The following ZC3H12B variants were observed in gnomAD, a reference collection of about 807,000 sequenced individuals.
The protein encoded by ZC3H12B is probable ribonuclease ZC3H12B.
A neutral mutation model predicts 43.9 loss-of-function variants in ZC3H12B; 7 were observed. The observed-to-expected ratio is 0.16, with a 90% confidence interval of 0.09 to 0.30. The LOEUF is 0.30. ZC3H12B is among the 10% of genes least tolerant of loss of function. ZC3H12B has a pLI of 1.00. For missense variants in ZC3H12B, 475 were observed against 670.2 expected (o/e 0.71, Z 3.22); for synonymous variants, 222 against 241.7 (o/e 0.92, Z 0.76).
chrX:65,317,770 CTATA>C, the ZC3H12B span, among the ~76,000 whole-genome samples: 3 of 99,417 alleles, frequency 3.0e-5, no homozygotes, highest in South Asian at 4.4e-4. Context: ...CACACACACA[CTATA>C]TATATATATA....
At chrX:65,285,464 G>T in the ZC3H12B span, among the ~76,000 whole-genome samples, 1 of 111,026 alleles carries the variant, frequency 9.0e-6, no homozygotes, top group African/African-American at 3.3e-5. Flanking sequence ...TCTAAAAACA[G>T]CAAGATAAAA....
At chrX:65,488,728 G>A (rs1292907842), upstream of ZC3H12B, 6 of 1,069,226 alleles carry the variant, frequency 5.6e-6, no homozygotes, top group Non-Finnish European at 7.3e-6. Context: ...ACAAAAGAAT[G>A]CCACTGCATG....
chrX:65,102,914 T>C, the ZC3H12B span, among the ~76,000 whole-genome samples: 1 of 111,390 alleles, frequency 9.0e-6, no homozygotes, highest in Non-Finnish European at 1.9e-5. Context: ...GAATAGGGTG[T>C]GGGTCACAGA....
At chrX:65,202,129 A>G in the ZC3H12B span, among the ~76,000 whole-genome samples, 1 of 74,991 alleles carries the variant, frequency 1.3e-5, no homozygotes, top group Non-Finnish European at 2.1e-5. Context: ...TATGTAATAT[A>G]TATATTTTAT....
chrX:65,437,912 T>G (rs2067241013), intron 3 of ZC3H12B, among the ~76,000 whole-genome samples: 1 of 112,599 alleles, frequency 8.9e-6, no homozygotes, highest in African/African-American at 3.2e-5. Context: ...TCTTCCTTTT[T>G]GTATGCAGCA....
chrX:65,407,475 T>C, intron 3 of ZC3H12B, among the ~76,000 whole-genome samples: 1 of 111,881 alleles, frequency 8.9e-6, no homozygotes, highest in South Asian at 3.7e-4. Context: ...CTCTCTCCCT[T>C]TTGCGTCCCG....
the ZC3H12B span, among the ~76,000 whole-genome samples, chrX:65,046,253 G>T: frequency 8.9e-6 from 1 of 112,008 alleles, no homozygotes; most frequent in East Asian, 2.8e-4. Flanking sequence ...GAAAGTCCTA[G>T]ATGGCATCTT....
chrX:65,242,179 A>C, the ZC3H12B span, among the ~76,000 whole-genome samples: 9,029 of 110,279 alleles, frequency 0.082, 1,023 homozygotes, highest in African/African-American at 0.29. Flanking sequence ...CTGTGGGTTT[A>C]GCCATTCACC....
chrX:65,456,853 C>T (rs2067623917), intron 3 of ZC3H12B, among the ~76,000 whole-genome samples: 1 of 109,448 alleles, frequency 9.1e-6, no homozygotes, highest in African/African-American at 3.3e-5. Flanking sequence ...CAGCCTCTGC[C>T]CAGCCGCCAC....
At chrX:65,178,815 A>C in the ZC3H12B span, among the ~76,000 whole-genome samples, 3 of 111,962 alleles carry the variant, frequency 2.7e-5, no homozygotes, top group South Asian at 1.1e-3. Context: ...TGTTGGTGGG[A>C]GTGTAAATTA....
At chrX:65,067,588 G>A in the ZC3H12B span, among the ~76,000 whole-genome samples, 1 of 111,405 alleles carries the variant, frequency 9.0e-6, no homozygotes, top group South Asian at 3.8e-4. Context: ...TTCCTATTCA[G>A]CCATCTTGCC....
At chrX:65,360,630 C>G in the ZC3H12B span, among the ~76,000 whole-genome samples, 5 of 112,388 alleles carry the variant, frequency 4.4e-5, no homozygotes, top group Non-Finnish European at 9.4e-5. Context: ...CTTTGGAAAA[C>G]AGTTTGGCAG....
At chrX:65,163,189 C>T in the ZC3H12B span, among the ~76,000 whole-genome samples, 4 of 111,238 alleles carry the variant, frequency 3.6e-5, no homozygotes, top group South Asian at 3.9e-4. Flanking sequence ...TGGGGGGTGC[C>T]TCCCAGTTAG....
chrX:65,314,100 C>T, the ZC3H12B span, among the ~76,000 whole-genome samples: 1 of 110,528 alleles, frequency 9.0e-6, no homozygotes, highest in Non-Finnish European at 1.9e-5. Flanking sequence ...GAAAATAGAG[C>T]AGTAGAACTA....
the ZC3H12B span, chrX:65,186,581 G>T: frequency 3.7e-5 from 4 of 106,702 alleles, no homozygotes; most frequent in Non-Finnish European, 1.9e-5. Context: ...GTGGTGTTTG[G>T]TTACATGAAT....
chrX:65,230,202 G>A, the ZC3H12B span, among the ~76,000 whole-genome samples: 2 of 111,561 alleles, frequency 1.8e-5, no homozygotes, highest in Non-Finnish European at 3.8e-5. Flanking sequence ...ATACTATGTA[G>A]CCATAAAAAA....
chrX:65,388,996 A>G (rs2066571494), intron 2 of ZC3H12B, among the ~76,000 whole-genome samples: 1 of 111,646 alleles, frequency 9.0e-6, no homozygotes, highest in Admixed American at 9.5e-5. Context: ...GTTCCTCTGG[A>G]AGTTTTGTCT....
At chrX:65,151,338 T>C in the ZC3H12B span, among the ~76,000 whole-genome samples, 3 of 111,956 alleles carry the variant, frequency 2.7e-5, no homozygotes, top group Non-Finnish European at 5.6e-5. Context: ...TATCTGTCAC[T>C]CGAAAATGTG....
At chrX:65,188,859 A>C in the ZC3H12B span, among the ~76,000 whole-genome samples, 4 of 106,450 alleles carry the variant, frequency 3.8e-5, no homozygotes, top group African/African-American at 1.4e-4. Context: ...GGTTAGATAC[A>C]TATGTATACC....
Sources: gnomAD v4.1 joint callset for allele counts (sites outside exome capture counted in the v4.1 genomes callset) on GRCh38, gnomAD v4.1.1 for gene constraint, MANE v1.5 for transcripts, NCBI Gene and HGNC (gene_info 2026-07-23, HGNC 2026-07-21) for gene names.